Variants in GALNT12 observed in about 807,000 individuals in gnomAD.
GALNT12 encodes the protein UDP-GalNAc:polypeptide N-acetylgalactosaminyltransferase 12.
GALNT12 carries 45 observed loss-of-function variants against 55.5 expected under a neutral mutation model. That is an observed-to-expected ratio of 0.81 (90% confidence interval 0.64 to 1.04). The LOEUF (loss-of-function observed/expected upper bound fraction) is 1.04, where lower values mean the gene tolerates loss of function less well. Among genes scored for constraint, GALNT12 ranks in the 50% least tolerant of loss-of-function variants. The pLI is 0.00. For missense variants in GALNT12, 709 were observed against 754.8 expected (o/e 0.94, Z 0.71); for synonymous variants, 304 against 312.2 (o/e 0.97, Z 0.28).
intron 6 of GALNT12, 26 bp from the exon 7 acceptor site, chr9:98,839,976 G>T (rs779058995): frequency 1.2e-6 from 2 of 1,613,876 alleles, no homozygotes; most frequent in Admixed American, 3.3e-5. Flanking sequence ...GACCCATGGG[G>T]TCTCACTGTT....
intron 3 of GALNT12, 53 bp from the exon 4 acceptor site, chr9:98,831,719 T>A: frequency 6.2e-7 from 1 of 1,605,596 alleles, no homozygotes; most frequent in Non-Finnish European, 8.5e-7. Flanking sequence ...CCAATTGTCT[T>A]CCTGCTGCCC....
intron 3 of GALNT12, among the ~76,000 whole-genome samples, chr9:98,828,036 G>A (rs911928): frequency 0.45 from 68,837 of 152,002 alleles, 16,054 homozygotes; most frequent in Non-Finnish European, 0.51. Context: ...CAGGAGCTGG[G>A]CTTGCCAACC....
At chr9:98,838,212 A>G (rs1449679086) in intron 6 of GALNT12, among the ~76,000 whole-genome samples, 2 of 152,094 alleles carry the variant, frequency 1.3e-5, no homozygotes, top group Non-Finnish European at 2.9e-5. Flanking sequence ...TTCTGCTTCC[A>G]TTTCCAGATG....
At chr9:98,840,527 A>G (rs554933200) in intron 7 of GALNT12, among the ~76,000 whole-genome samples, 1 of 152,274 alleles carries the variant, frequency 6.6e-6, no homozygotes, top group Admixed American at 6.5e-5. Flanking sequence ...CACTTCGAGT[A>G]TTTCAAAAAA....
At chr9:98,820,548 G>A (rs1835713044) in intron 1 of GALNT12, among the ~76,000 whole-genome samples, 2 of 152,204 alleles carry the variant, frequency 1.3e-5, no homozygotes, top group African/African-American at 4.8e-5. Flanking sequence ...GAATAGTACA[G>A]CAATGAACAT....
intron 7 of GALNT12, among the ~76,000 whole-genome samples, chr9:98,843,059 T>A (rs1836332567): frequency 6.6e-6 from 1 of 152,232 alleles, no homozygotes. Flanking sequence ...TTTTTCTCAT[T>A]GGGCAGAGAA....
rs2038622 is a variant in GALNT12 at position 98,831,601 on chromosome 9, T to G, written c.732-171T>G. The G allele has an allele frequency of 0.76, 207,095 of 273,542 alleles. 78,623 individuals are homozygous for G. The highest frequency in any genetic ancestry group is 0.82 in the Middle Eastern group (475 of 580). 16.9% of individuals were successfully genotyped at this position (273,542 alleles called of 1,614,324 possible). A position where few individuals can be genotyped will look rare whatever the true frequency, so the allele number is the denominator to read the frequency against. On this transcript the variant is annotated intron_variant, in intron 3 of 9. Coordinates refer to ENST00000375011, the MANE Select transcript of GALNT12 (RefSeq NM_024642.5). ...CCAGATCTCCCCCATGGTGGTCACC[T>G]GCCAGGGCTCTGACACGGCTGCAGA...
In GALNT12 at chr9:98,835,299, A is replaced by C; in HGVS notation, c.968A>C (p.Glu323Ala). The change falls in exon 5 of 10, where the codon GAA (glutamate) becomes GCA (alanine). Residue 323 changes from glutamate to alanine, a missense_variant. Around this residue, in one of 5 missense-constraint regions of GALNT12, gnomAD observed 17 missense variants for 33.1 expected, o/e 0.51. Transcript: ENST00000375011. ...TTTGCTGTGAGTAAGAAATATTTTG[A>C]ATATCTGGGGTCTTATGATACAGGA... is the stretch of plus-strand genomic sequence containing the variant. ...GLFAVSKKYF[E>A]YLGSYDTGME... is the part of the protein sequence containing the mutation. 1 of 1,614,016 alleles carries C rather than the reference A, an allele frequency of 6.2e-7. No homozygotes were observed. Among genetic ancestry groups the C allele is most frequent in the South Asian group, 1.1e-5 (1 of 91,082 alleles).
At chr9:98,848,570 T>C (rs1036102196) in intron 9 of GALNT12, among the ~76,000 whole-genome samples, 5 of 152,228 alleles carry the variant, frequency 3.3e-5, no homozygotes, top group Non-Finnish European at 5.9e-5. Context: ...TTCCACACTC[T>C]GTTTAAATAC....
Position 98,846,038 on chromosome 9 carries a change from T to C in GALNT12, c.1520T>C (p.Ile507Thr), listed in dbSNP as rs1588459566. ...AACACCCACCAGCCTGAGGGCTGCA[T>C]TGCTGTGGAAGCAGGAATGGATACC... ...RYNTHQPEGC[I>T]AVEAGMDTLI... Residue 507 changes from isoleucine to threonine, a missense_variant, in exon 9 of 10, where the codon ATT becomes ACT. By Grantham distance (89) the Ile-to-Thr change is moderately conservative. Transcript: ENST00000375011. 3.1e-6 allele frequency: 5 copies of C among 1,614,180 alleles called. No homozygotes were observed. The highest frequency in any genetic ancestry group is 1.6e-4 in the Middle Eastern group (1 of 6,062).
At chr9:98,823,724 C>T (rs1835799342) in intron 2 of GALNT12, among the ~76,000 whole-genome samples, 1 of 152,164 alleles carries the variant, frequency 6.6e-6, no homozygotes, top group African/African-American at 2.4e-5. Context: ...TTGGAGGCCA[C>T]CATAAGGGGT....
rs750084584 is a variant in GALNT12 at position 98,844,134 on chromosome 9, T to C, written c.1383T>C (p.Tyr461=). The part of the protein sequence containing the change: ...NKGLTDYCFD[Y]NPPDENQIVG... ...GACTAACAGACTACTGCTTTGACTA[T>C]AACCCTCCCGATGAAAACCAGATTG... is the stretch of plus-strand genomic sequence containing the variant. The change falls in exon 8 of 10, where the codon TAT becomes TAC. Residue 461 remains tyrosine, a synonymous_variant. Coordinates refer to ENST00000375011, the MANE Select transcript of GALNT12 (RefSeq NM_024642.5). 1 of 1,614,022 alleles carries C rather than the reference T, an allele frequency of 6.2e-7. No individual in the cohort carries two copies. Among genetic ancestry groups the C allele is most frequent in the Admixed American group, 1.7e-5 (1 of 60,020 alleles).
chr9:98,807,812 G>C lies in GALNT12; in HGVS notation c.114G>C (p.Arg38=). The C allele has an allele frequency of 3.8e-6, 4 of 1,063,798 alleles. No individual in the cohort carries two copies. The highest frequency in any genetic ancestry group is 4.5e-6 in the Non-Finnish European group (4 of 884,348). The allele number at this position is 1,063,798 out of a possible 1,614,324, so 65.9% of individuals were successfully genotyped here. Reference sequence around the variant, plus strand: ...TGGCCGGGCTGGGCTCGGTGCTGCGGGCGCAGCGTGGGGCCGGGGCCGGGG... The same window carrying C: ...TGGCCGGGCTGGGCTCGGTGCTGCGCGCGCAGCGTGGGGCCGGGGCCGGGG... ...LALAGLGSVL[R]AQRGAGAGAA... The change falls in exon 1 of 10, where the codon CGG becomes CGC. Residue 38 remains arginine (R), a synonymous_variant. Transcript: ENST00000375011.
intron 1 of GALNT12, among the ~76,000 whole-genome samples, chr9:98,821,634 A>AAAAAAAAAAAAAAAAAG (rs1835743233): frequency 6.6e-6 from 1 of 150,760 alleles, no homozygotes; most frequent in Non-Finnish European, 1.5e-5. Flanking sequence ...CAAAAAAAAA[A>AAAAAAAAAAAAAAAAAG]AAAGAAAGAA....
chr9:98,832,561 G>A lies in GALNT12; in HGVS notation c.917+604G>A, dbSNP rs1018759460. ...TAAAACAAAGCATGCAATTTTAGTGGCATCGAGCACATTCACGGTATTGTG... is the reference window on the plus strand; with the variant it reads ...TAAAACAAAGCATGCAATTTTAGTGACATCGAGCACATTCACGGTATTGTG... On this transcript the variant is annotated intron_variant, in intron 4 of 9. Coordinates refer to ENST00000375011, the MANE Select transcript of GALNT12 (RefSeq NM_024642.5). Among the ~76,000 whole-genome samples, 3 of 152,188 alleles carry A rather than the reference G, an allele frequency of 2.0e-5. No homozygotes were observed. The South Asian group carries it at 6.2e-4, about 32-fold the overall frequency.
At chr9:98,847,837 A>G (rs932017720) in intron 9 of GALNT12, among the ~76,000 whole-genome samples, 3 of 129,448 alleles carry the variant, frequency 2.3e-5, no homozygotes, top group Non-Finnish European at 3.2e-5. Flanking sequence ...TTTTTTTGAG[A>G]CGGAGCCTTG....
In GALNT12 at chr9:98,823,950, G is replaced by A. The variant is rs75631276; in HGVS notation, c.541+525G>A. 1.3e-4 allele frequency among the ~76,000 whole-genome samples: 20 copies of A among 152,312 alleles called. No homozygotes were observed. In the East Asian group the frequency reaches 3.9e-3, roughly 29 times the overall value. Reference sequence around the variant, plus strand: ...TGGCAGTGCCAACGGAGTAGCATCAGCCCGTGAATCCTTGGGGCCTAGCTG... The same window carrying A: ...TGGCAGTGCCAACGGAGTAGCATCAACCCGTGAATCCTTGGGGCCTAGCTG... On this transcript the variant is annotated intron_variant, in intron 2 of 9. Coordinates refer to ENST00000375011, the MANE Select transcript of GALNT12 (RefSeq NM_024642.5).
At chr9:98,834,383 A>T (rs1180464729) in intron 4 of GALNT12, among the ~76,000 whole-genome samples, 5 of 152,138 alleles carry the variant, frequency 3.3e-5, no homozygotes, top group Non-Finnish European at 5.9e-5. Flanking sequence ...AGCCTCCCAA[A>T]GTGCTGGGAT....
chr9:98,825,210 C>G (rs1835831036), intron 2 of GALNT12, among the ~76,000 whole-genome samples: 1 of 152,070 alleles, frequency 6.6e-6, no homozygotes, highest in Admixed American at 6.5e-5. Context: ...CAGCATTTCA[C>G]AAATATATTA....
Sources: allele counts gnomAD v4.1 joint callset (sites outside exome capture counted in the v4.1 genomes callset), GRCh38; gene constraint gnomAD v4.1.1; regional missense constraint gnomAD v4.1.1; transcripts MANE v1.5; gene names NCBI Gene and HGNC (gene_info 2026-07-23, HGNC 2026-07-21).